Variants in SMCO1 observed in about 807,000 individuals in gnomAD.
The protein encoded by SMCO1 is single-pass membrane protein with coiled-coil domains 1.
SMCO1 carries 9 observed loss-of-function variants against 7.5 expected under a neutral mutation model. The observed-to-expected ratio is 1.20, with a 90% CI of 0.72 to 2.09. The LOEUF is 2.09. Ranked by LOEUF, SMCO1 falls within the 30% of genes most tolerant of loss-of-function variation. The pLI is 0.00. For missense variants in SMCO1, 219 were observed against 253.1 expected (o/e 0.87, Z 0.91); for synonymous variants, 90 against 93.8 (o/e 0.96, Z 0.23).
chr3:196,515,995 A>C (rs1733375779), upstream of SMCO1, among the ~76,000 whole-genome samples: 1 of 60,610 alleles, frequency 1.6e-5, no homozygotes, highest in Non-Finnish European at 2.7e-5. Context: ...TAGGATATAT[A>C]TATATATATA....
rs1476337366 is a variant in SMCO1, at chr3:196,508,067, A to G, written c.465T>C (p.Ala155=). The G allele has an allele frequency of 1.9e-6, 3 of 1,614,064 alleles. No individual in the cohort carries two copies. The highest frequency in any genetic ancestry group is 2.5e-6 in the Non-Finnish European group (3 of 1,180,052). The change falls in exon 3 of 3, where the codon GCT becomes GCC. Residue 155 remains alanine, a synonymous_variant. Transcript: ENST00000397537. ...CCCTGATGTACATCTGCCTCACTTT[A>G]GCAGTATAGTGTTCTGCCTTGTTAC... is the stretch of plus-strand genomic sequence containing the variant. ...ARGNKAEHYT[A]KVRQMYIRDV...
chr3:196,515,017 G>T, intron 1 of SMCO1, 143 bp downstream of exon 1: 2 of 980,260 alleles, frequency 2.0e-6, no homozygotes, highest in Non-Finnish European at 3.2e-6. Flanking sequence ...TGGGATTACA[G>T]GTGTGAGCCA....
chr3:196,520,025 T>G (rs1198059723), upstream of SMCO1, among the ~76,000 whole-genome samples: 3 of 152,176 alleles, frequency 2.0e-5, no homozygotes, highest in African/African-American at 7.2e-5. Context: ...TCACTTCTCT[T>G]TCTAGATGGG....
chr3:196,507,809 A>G lies in SMCO1; in HGVS notation c.*78T>C. Reference sequence around the variant, plus strand: ...CACTCTTTGCTATAAAAATAAGACTATAATAAATTGTGCATACTTTTTGCT... The same window carrying G: ...CACTCTTTGCTATAAAAATAAGACTGTAATAAATTGTGCATACTTTTTGCT... On this transcript the variant is annotated 3_prime_UTR_variant, in exon 3 of 3. Coordinates refer to ENST00000397537, the MANE Select transcript of SMCO1 (RefSeq NM_001077657.3). The G allele has an allele frequency of 1.3e-6, 1 of 787,482 alleles. No individual in the cohort carries two copies. The highest frequency in any genetic ancestry group is 1.8e-5 in the South Asian group (1 of 55,248). 48.8% of individuals were successfully genotyped at this position (787,482 alleles called of 1,614,324 possible). A position where few individuals can be genotyped will look rare whatever the true frequency, so the allele number is the denominator to read the frequency against.
At chr3:196,518,704 A>G (rs976530271), upstream of SMCO1, among the ~76,000 whole-genome samples, 7 of 152,228 alleles carry the variant, frequency 4.6e-5, no homozygotes, top group African/African-American at 7.2e-5. Context: ...AGCAGTGAGT[A>G]GAGGAGCGGA....
In SMCO1 at chr3:196,512,004, G is replaced by A. The variant is rs914619272; in HGVS notation, c.51-2335C>T. Among the ~76,000 whole-genome samples, 20 of 143,074 alleles carry A rather than the reference G, an allele frequency of 1.4e-4. 1 individual carries two copies. In the East Asian group the frequency reaches 2.7e-3, roughly 19 times the overall value. 93.9% of individuals were successfully genotyped at this position (143,074 alleles called of 152,430 possible). A position where few individuals can be genotyped will look rare whatever the true frequency, so the allele number is the denominator to read the frequency against. On this transcript the variant is annotated intron_variant, in intron 1 of 2. Coordinates refer to ENST00000397537, the MANE Select transcript of SMCO1 (RefSeq NM_001077657.3). ...TGTTGTTATGAGGGAAACCTGCCTC[G>A]GCCACCTACATTGTCCTTATGAGGG...
rs1173552335 is a variant in SMCO1 at position 196,507,495 on chromosome 3, C to T, written c.*392G>A. On this transcript the variant is annotated 3_prime_UTR_variant, in exon 3 of 3. Coordinates refer to ENST00000397537, the MANE Select transcript of SMCO1 (RefSeq NM_001077657.3). ...AAAGACTTCCTCTTGTCTTTGACCC[C>T]TAGCCTCTTAGCTTTCTTTCCTGAC... 1 of 152,310 alleles carries T rather than the reference C, an allele frequency of 6.6e-6. No individual in the cohort carries two copies. Among genetic ancestry groups the T allele is most frequent in the Non-Finnish European group, 1.5e-5 (1 of 68,170 alleles). 9.4% of individuals were successfully genotyped at this position (152,310 alleles called of 1,614,324 possible).
intron 1 of SMCO1, 132 bp downstream of exon 1, chr3:196,515,028 C>T: frequency 8.8e-7 from 1 of 1,131,762 alleles, no homozygotes; most frequent in Non-Finnish European, 1.3e-6. Context: ...GTGTGAGCCA[C>T]CGCACCGGCC....
upstream of SMCO1, among the ~76,000 whole-genome samples, chr3:196,518,713 G>A (rs532708913): frequency 6.6e-6 from 1 of 152,304 alleles, no homozygotes; most frequent in African/African-American, 2.4e-5. Flanking sequence ...TAGAGGAGCG[G>A]ACTCAAAATC....
upstream of SMCO1, among the ~76,000 whole-genome samples, chr3:196,517,038 G>T (rs35777513): frequency 1.5e-5 from 2 of 131,592 alleles, no homozygotes; most frequent in Non-Finnish European, 3.1e-5. Flanking sequence ...GGTGGAGGTT[G>T]CAGTGAGCAG....
At position 196,515,173 on chromosome 3, in the gene SMCO1, C is replaced by G. The variant is rs1414836182; in HGVS notation, c.37G>C (p.Glu13Gln). The change falls in exon 1 of 3, where the codon GAG becomes CAG. Residue 13 changes from glutamate (E) to glutamine (Q), a missense_variant. Coordinates refer to ENST00000397537, the MANE Select transcript of SMCO1 (RefSeq NM_001077657.3). ...GCCCTCAGCAACCTTTTCATTGCCT[C>G]CTTCAAGGATATCAGGGTTGTGGTT... The part of the protein sequence containing the change: ...NETTTLISLK[E>Q]AMKRVDHKLQ... The G allele has an allele frequency of 1.2e-6, 2 of 1,613,968 alleles. No individual in the cohort carries two copies. The highest frequency in any genetic ancestry group is 1.7e-6 in the Non-Finnish European group (2 of 1,179,956).
At chr3:196,510,081 C>T (rs142501894) in intron 1 of SMCO1, among the ~76,000 whole-genome samples, 1 of 152,184 alleles carries the variant, frequency 6.6e-6, no homozygotes, top group Non-Finnish European at 1.5e-5. Context: ...ATCTTCCCAC[C>T]TCAGCCTCCC....
chr3:196,519,433 C>G (rs1383261142), upstream of SMCO1, among the ~76,000 whole-genome samples: 1 of 152,220 alleles, frequency 6.6e-6, no homozygotes, highest in Non-Finnish European at 1.5e-5. Context: ...TATGCTGCTT[C>G]TGTGAATAGG....
At chr3:196,516,995 A>G (rs533293019), upstream of SMCO1, among the ~76,000 whole-genome samples, 284 of 148,194 alleles carry the variant, frequency 1.9e-3, 1 homozygote, top group Non-Finnish European at 2.9e-3. Context: ...GCTACTTGGG[A>G]GTCTGAGATA....
Position 196,506,999 on chromosome 3 carries a change from C to G in SMCO1, c.*888G>C, listed in dbSNP as rs1013619975. On this transcript the variant is annotated 3_prime_UTR_variant, in exon 3 of 3. Transcript: ENST00000397537. The stretch of plus-strand genomic sequence containing the variant: ...TGGGTTTTTGTGGGCTAGAAATGGG[C>G]AAGTGCATGCTGATTGGTCTGTGGC... 1.3e-5 allele frequency: 2 copies of G among 152,164 alleles called. No homozygotes were observed. The highest frequency in any genetic ancestry group is 4.8e-5 in the African/African-American group (2 of 41,422). The allele number at this position is 152,164 out of a possible 1,614,324, so 9.4% of individuals were successfully genotyped here.
At position 196,508,071 on chromosome 3, in the gene SMCO1, G is replaced by A; in HGVS notation, c.461C>T (p.Thr154Ile). 1 of 1,614,148 alleles carries A rather than the reference G, an allele frequency of 6.2e-7. No individual in the cohort carries two copies. The highest frequency in any genetic ancestry group is 8.5e-7 in the Non-Finnish European group (1 of 1,180,034). ...GATGTACATCTGCCTCACTTTAGCAGTATAGTGTTCTGCCTTGTTACCACG... is the reference window on the plus strand; with the variant it reads ...GATGTACATCTGCCTCACTTTAGCAATATAGTGTTCTGCCTTGTTACCACG... ...IARGNKAEHY[T>I]AKVRQMYIRD... Residue 154 changes from threonine (T) to isoleucine (I), a missense_variant, in exon 3 of 3, where the codon ACT (threonine) becomes ATT (isoleucine). Transcript: ENST00000397537.
At chr3:196,511,403 AC>A (rs1733226273) in intron 1 of SMCO1, among the ~76,000 whole-genome samples, 6 of 142,076 alleles carry the variant, frequency 4.2e-5, no homozygotes, top group Admixed American at 1.4e-4. Flanking sequence ...TATGAGGGAA[AC>A]CTGCCTGGGC....
upstream of SMCO1, among the ~76,000 whole-genome samples, chr3:196,518,512 G>A (rs1332343742): frequency 2.6e-5 from 4 of 151,940 alleles, no homozygotes; most frequent in Admixed American, 6.6e-5. Context: ...ACGGGGTTTC[G>A]CCATGTTGGC....
chr3:196,509,216 ATTTTTTT>A (rs35933912), intron 2 of SMCO1, among the ~76,000 whole-genome samples: 77 of 108,008 alleles, frequency 7.1e-4, no homozygotes, highest in Admixed American at 2.0e-3. Flanking sequence ...CACCCGGCTA[ATTTTTTT>A]TTTTTTTTTT....
Sources: gnomAD v4.1 joint callset for allele counts (sites outside exome capture counted in the v4.1 genomes callset) on GRCh38, gnomAD v4.1.1 for gene constraint, MANE v1.5 for transcripts, NCBI Gene and HGNC (gene_info 2026-07-23, HGNC 2026-07-21) for gene names.